Variants in ANKS1B observed in about 807,000 individuals in gnomAD.
The protein encoded by ANKS1B is ankyrin repeat and sterile alpha motif domain containing 1B.
ANKS1B carries 36 observed loss-of-function variants against 148.3 expected under a neutral mutation model. That is an observed-to-expected ratio of 0.24 (90% CI 0.19 to 0.32). The LOEUF (loss-of-function observed/expected upper bound fraction) is 0.32, where lower values mean the gene tolerates loss of function less well. Among genes scored for constraint, ANKS1B ranks in the 10% least tolerant of loss-of-function variants. ANKS1B has a pLI of 1.00. For missense variants in ANKS1B, 1,157 were observed against 1,542.6 expected (o/e 0.75, Z 4.19); for synonymous variants, 542 against 560.8 (o/e 0.97, Z 0.47).
chr12:99,452,808 A>G (rs1443767913), intron 10 of ANKS1B, among the ~76,000 whole-genome samples: 1 of 152,210 alleles, frequency 6.6e-6, no homozygotes, highest in Non-Finnish European at 1.5e-5. Flanking sequence ...CCGGGTTTGA[A>G]CTTCCATTAC....
intron 17 of ANKS1B, among the ~76,000 whole-genome samples, chr12:99,016,017 T>A (rs1402548188): frequency 1.3e-5 from 2 of 152,234 alleles, no homozygotes; most frequent in Non-Finnish European, 2.9e-5. Context: ...CTAATAGAAC[T>A]ATACCAGGCT....
intron 1 of ANKS1B, among the ~76,000 whole-genome samples, chr12:99,935,140 A>G (rs2094727848): frequency 6.6e-6 from 1 of 152,162 alleles, no homozygotes; most frequent in Non-Finnish European, 1.5e-5. Context: ...CAAAGGATAG[A>G]AAGATCCTAT....
chr12:99,927,302 G>A (rs2094499163), intron 1 of ANKS1B, among the ~76,000 whole-genome samples: 1 of 152,128 alleles, frequency 6.6e-6, no homozygotes, highest in African/African-American at 2.4e-5. Flanking sequence ...GTTTCAGTCA[G>A]TCACAACTAG....
rs565513627 is a variant in ANKS1B, at chr12:99,404,535, C to G, written c.1576-4724G>C. On this transcript the variant is annotated intron_variant, in intron 11 of 26. Coordinates refer to ENST00000683438, the MANE Select transcript of ANKS1B (RefSeq NM_001352186.2). ...AGAATGCATTAGAATCTGTTAAAAG[C>G]AGAATTGATCAGGCAGAAGAAAGAA... 6.9e-5 allele frequency among the ~76,000 whole-genome samples: 10 copies of G among 145,280 alleles called. 1 individual carries two copies. Among genetic ancestry groups the G allele is most frequent in the African/African-American group, 2.6e-4 (10 of 38,312 alleles).
At chr12:99,890,402 G>C (rs1490719019) in intron 1 of ANKS1B, among the ~76,000 whole-genome samples, 1 of 152,094 alleles carries the variant, frequency 6.6e-6, no homozygotes, top group African/African-American at 2.4e-5. Context: ...ACTCTACCTG[G>C]CTTTCCAGCC....
At chr12:99,466,536 C>T (rs369538215) in intron 10 of ANKS1B, among the ~76,000 whole-genome samples, 18 of 150,836 alleles carry the variant, frequency 1.2e-4, no homozygotes, top group South Asian at 2.1e-4. Context: ...ATTGATAGAC[C>T]GCTAGCAAGA....
At position 98,744,299 on chromosome 12, in the gene ANKS1B, G is replaced by A; in HGVS notation, c.*1440C>T. 1 of 934,346 alleles carries A rather than the reference G, an allele frequency of 1.1e-6. No individual in the cohort carries two copies. Among genetic ancestry groups the A allele is most frequent in the Non-Finnish European group, 1.3e-6 (1 of 783,220 alleles). 57.9% of individuals were successfully genotyped at this position (934,346 alleles called of 1,614,324 possible). A position where few individuals can be genotyped will look rare whatever the true frequency, so the allele number is the denominator to read the frequency against. On this transcript the variant is annotated 3_prime_UTR_variant, in exon 27 of 27. Coordinates refer to ENST00000683438, the MANE Select transcript of ANKS1B (RefSeq NM_001352186.2). ...TACATTTGTTAGTTTGAAATAAAAT[G>A]TAGTTATTCTTCAAAACTCACCAAC...
chr12:99,441,516 T>G (rs2095550153), intron 11 of ANKS1B, among the ~76,000 whole-genome samples: 1 of 151,842 alleles, frequency 6.6e-6, no homozygotes, highest in Non-Finnish European at 1.5e-5. Flanking sequence ...GTCTCCAGGG[T>G]GGAAGAAAGA....
chr12:99,108,107 T>C (rs534949385), intron 15 of ANKS1B, among the ~76,000 whole-genome samples: 1 of 152,228 alleles, frequency 6.6e-6, no homozygotes, highest in Non-Finnish European at 1.5e-5. Context: ...GCTACATTAC[T>C]GCAAGAGCAG....
intron 17 of ANKS1B, among the ~76,000 whole-genome samples, chr12:98,996,812 C>CAAAAAAAAAAAAAAA (rs1160748107): frequency 2.5e-5 from 1 of 40,628 alleles, no homozygotes; most frequent in Non-Finnish European, 4.3e-5. Flanking sequence ...GACTCTATCT[C>CAAAAAAAAAAAAAAA]AAAAAAAAAA....
At chr12:99,873,645 T>G (rs556204382) in intron 1 of ANKS1B, among the ~76,000 whole-genome samples, 2 of 152,222 alleles carry the variant, frequency 1.3e-5, no homozygotes, top group Non-Finnish European at 2.9e-5. Context: ...CATCAGTATA[T>G]TCATTCAAAT....
intron 12 of ANKS1B, among the ~76,000 whole-genome samples, chr12:99,324,700 A>C (rs1458117457): frequency 6.6e-6 from 1 of 152,144 alleles, no homozygotes; most frequent in Non-Finnish European, 1.5e-5. Context: ...ACTATAAAAA[A>C]CATTCATTCT....
intron 15 of ANKS1B, among the ~76,000 whole-genome samples, chr12:99,116,966 T>C (rs1329276643): frequency 6.6e-6 from 1 of 152,230 alleles, no homozygotes; most frequent in Admixed American, 6.5e-5. Flanking sequence ...GTAGCAATTG[T>C]GAATGGGAGT....
rs977027107 is a variant in ANKS1B, at chr12:98,745,080, A to C, written c.*659T>G. 1.0e-5 allele frequency: 10 copies of C among 985,746 alleles called. No homozygotes were observed. The African/African-American group carries it at 1.4e-4, about 14-fold the overall frequency. The allele number at this position is 985,746 out of a possible 1,614,324, so 61.1% of individuals were successfully genotyped here. A position where few individuals can be genotyped will look rare whatever the true frequency, so the allele number is the denominator to read the frequency against. ...AAGACACATTTTGCTGTGCATAATAAATTCCTCTGCTTTGAATCATTCTTT... is the reference window on the plus strand; with the variant it reads ...AAGACACATTTTGCTGTGCATAATACATTCCTCTGCTTTGAATCATTCTTT... On this transcript the variant is annotated 3_prime_UTR_variant, in exon 27 of 27. Coordinates refer to ENST00000683438, the MANE Select transcript of ANKS1B (RefSeq NM_001352186.2).
intron 11 of ANKS1B, among the ~76,000 whole-genome samples, chr12:99,417,884 T>C (rs934503466): frequency 1.2e-4 from 18 of 152,182 alleles, no homozygotes; most frequent in African/African-American, 4.3e-4. Flanking sequence ...ATCAGTGGAT[T>C]TATCAGGAAA....
intron 1 of ANKS1B, among the ~76,000 whole-genome samples, chr12:99,895,921 T>C (rs1565948877): frequency 1.3e-5 from 2 of 151,550 alleles, no homozygotes; most frequent in East Asian, 1.9e-4. Context: ...TTCTAGATTT[T>C]TGGATAAGTT....
intron 12 of ANKS1B, among the ~76,000 whole-genome samples, chr12:99,352,947 G>A (rs190179028): frequency 6.6e-6 from 1 of 152,070 alleles, no homozygotes; most frequent in Admixed American, 6.6e-5. Context: ...CTGATGAAGG[G>A]TACATTTCAC....
rs75213370 is a variant in ANKS1B, at chr12:98,952,229, G to A, written c.2778+100928C>T. Among the ~76,000 whole-genome samples the A allele has an allele frequency of 5.6e-3, 850 of 152,176 alleles. 2 individuals are homozygous for A. Among genetic ancestry groups the A allele is most frequent in the Middle Eastern group, 0.01 (3 of 294 alleles). On this transcript the variant is annotated intron_variant, in intron 17 of 26. Transcript: ENST00000683438. ...CTTGTAGTAGTGTAGTATTCCCCCC[G>A]TCTTTTGGATGGTGATTTCACTGAG...
intron 17 of ANKS1B, among the ~76,000 whole-genome samples, chr12:99,039,548 C>T (rs2099957601): frequency 6.6e-6 from 1 of 152,154 alleles, no homozygotes; most frequent in Non-Finnish European, 1.5e-5. Context: ...AGTGTCTTGC[C>T]CCAGTGGAAT....
Sources: gnomAD v4.1 joint callset for allele counts (sites outside exome capture counted in the v4.1 genomes callset) on GRCh38, gnomAD v4.1.1 for gene constraint, MANE v1.5 for transcripts, NCBI Gene and HGNC (gene_info 2026-07-23, HGNC 2026-07-21) for gene names.